Variants in TNIP3 observed in about 807,000 individuals in gnomAD.
The protein encoded by TNIP3 is TNFAIP3-interacting protein 3.
A neutral mutation model predicts 54.1 loss-of-function variants in TNIP3; 34 were observed. The ratio of observed to expected loss-of-function variants is 0.63; its 90% CI spans 0.48 to 0.84. The LOEUF is 0.84. TNIP3 is among the 40% of genes least tolerant of loss of function. The pLI is 0.00. For synonymous variants in TNIP3, 134 were observed against 136.8 expected, an observed-to-expected ratio of 0.98 and a Z score of 0.14; for missense variants, 366 against 387.6, an observed-to-expected ratio of 0.94 and a Z score of 0.47.
chr4:121,196,245 C>T (rs1157322532), intron 2 of TNIP3, among the ~76,000 whole-genome samples: 1 of 152,114 alleles, frequency 6.6e-6, no homozygotes, highest in Non-Finnish European at 1.5e-5. Flanking sequence ...CTTTTTATAG[C>T]TTTTGTGTCT....
chr4:121,219,242 A>G (rs1050892029), upstream of TNIP3, among the ~76,000 whole-genome samples: 1 of 152,140 alleles, frequency 6.6e-6, no homozygotes, highest in African/African-American at 2.4e-5. Context: ...CCATAGAAGT[A>G]AGAGTATCCA....
At chr4:121,175,537 G>C (rs1227160950) in intron 3 of TNIP3, among the ~76,000 whole-genome samples, 2 of 152,196 alleles carry the variant, frequency 1.3e-5, no homozygotes, top group Non-Finnish European at 2.9e-5. Flanking sequence ...CACTAAGGCA[G>C]AGAGAATCCT....
At chr4:121,190,625 G>A (rs765409176) in intron 2 of TNIP3, among the ~76,000 whole-genome samples, 3 of 152,184 alleles carry the variant, frequency 2.0e-5, no homozygotes, top group Non-Finnish European at 4.4e-5. Context: ...ATAAGCCATA[G>A]AATGTCAATG....
rs770320649 is a variant in TNIP3 at position 121,147,103 on chromosome 4, C to T, written c.681G>A (p.Glu227=). Reference sequence around the variant, plus strand: ...GGGAAGTTTCATTAATTTGCTGTAGCTCCTCTTTCTCTTGATTAAGTCTCT... The same window carrying T: ...GGGAAGTTTCATTAATTTGCTGTAGTTCCTCTTTCTCTTGATTAAGTCTCT... The part of the protein sequence containing the change: ...DRERLNQEKE[E]LQQINETSQS... The change falls in exon 7 of 11, where the codon GAG becomes GAA. Residue 227 remains glutamate (E), a synonymous_variant. Transcript: ENST00000057513. 3 of 1,613,014 alleles carry T rather than the reference C, an allele frequency of 1.9e-6. No homozygotes were observed. Among genetic ancestry groups the T allele is most frequent in the South Asian group, 1.1e-5 (1 of 90,946 alleles).
intron 1 of TNIP3, chr4:121,227,366 AAG>A (rs1727301935): frequency 1.3e-6 from 2 of 1,534,698 alleles, no homozygotes; most frequent in African/African-American, 2.7e-5. Context: ...GTAAAGGCAC[AAG>A]ACATTATGTT....
chr4:121,213,194 A>G (rs1033764475), intron 2 of TNIP3, among the ~76,000 whole-genome samples: 1 of 152,204 alleles, frequency 6.6e-6, no homozygotes, highest in Non-Finnish European at 1.5e-5. Flanking sequence ...TCTGAAATCC[A>G]CCATATCATT....
In TNIP3 at chr4:121,157,104, T is replaced by C; in HGVS notation, c.353A>G (p.Gln118Arg). 6.2e-7 allele frequency: 1 copy of C among 1,612,976 alleles called. No individual in the cohort carries two copies. Among genetic ancestry groups the C allele is most frequent in the Non-Finnish European group, 8.5e-7 (1 of 1,179,116 alleles). Residue 118 changes from glutamine to arginine, a missense_variant, in exon 4 of 11, where the codon CAG (glutamine) becomes CGG (arginine). Gln to Arg is a conservative substitution (Grantham distance 43). Transcript: ENST00000057513. ...CCGGGCCCCGCCCACCTCCTCCCGC[T>C]GCAGCCGGTCCCGGGTCAGGTCGCG... ...RQRDLTRDRL[Q>R]REEKEKERLN...
intron 7 of TNIP3, 114 bp downstream of exon 7, chr4:121,146,935 G>T (rs1183422142): frequency 8.2e-7 from 1 of 1,219,404 alleles, no homozygotes; most frequent in Non-Finnish European, 1.1e-6. Flanking sequence ...CCCAGGTGCT[G>T]ACCTTTAAAA....
At chr4:121,215,630 C>T (rs1258273114) in intron 2 of TNIP3, among the ~76,000 whole-genome samples, 29 of 152,038 alleles carry the variant, frequency 1.9e-4, no homozygotes, top group Admixed American at 8.5e-4. Flanking sequence ...TTTCTCTTTA[C>T]CAGAAATTAG....
chr4:121,211,830 T>C (rs1726491836), intron 2 of TNIP3, among the ~76,000 whole-genome samples: 1 of 152,182 alleles, frequency 6.6e-6, no homozygotes, highest in Non-Finnish European at 1.5e-5. Flanking sequence ...AAAGGACAGA[T>C]TTAAAATTCA....
intron 2 of TNIP3, among the ~76,000 whole-genome samples, chr4:121,197,708 T>C (rs1725673852): frequency 1.3e-5 from 2 of 152,088 alleles, no homozygotes; most frequent in South Asian, 4.1e-4. Context: ...AACTGGGAAT[T>C]ACCCAAGAAT....
chr4:121,187,543 A>G (rs150739520), intron 2 of TNIP3, among the ~76,000 whole-genome samples: 1 of 152,356 alleles, frequency 6.6e-6, no homozygotes, highest in East Asian at 1.9e-4. Context: ...TTGTTAATAA[A>G]GAAGGACCAT....
chr4:121,171,906 T>C (rs1254454562), intron 3 of TNIP3, among the ~76,000 whole-genome samples: 1 of 152,114 alleles, frequency 6.6e-6, no homozygotes, highest in African/African-American at 2.4e-5. Flanking sequence ...AATTTTTTTG[T>C]ATTTTTAGTA....
At chr4:121,191,353 A>G (rs144516454) in intron 2 of TNIP3, among the ~76,000 whole-genome samples, 90 of 152,336 alleles carry the variant, frequency 5.9e-4, no homozygotes, top group South Asian at 1.7e-3. Context: ...AAATACACTC[A>G]GGTGGGTTTA....
rs190939061 is a variant in TNIP3 at position 121,151,346 on chromosome 4, A to G, written c.493-1127T>C. Among the ~76,000 whole-genome samples the G allele has an allele frequency of 4.4e-4, 67 of 152,336 alleles. No individual in the cohort carries two copies. In the East Asian group the frequency reaches 8.3e-3, roughly 19 times the overall value. The stretch of plus-strand genomic sequence containing the variant: ...TACTATATAATATGGTCATAAAGGT[A>G]GGAAAAGAAAAGCAAATGTGTGGTT... On this transcript the variant is annotated intron_variant, in intron 5 of 10. Transcript: ENST00000057513.
chr4:121,174,051 A>G (rs1442077751), intron 3 of TNIP3, among the ~76,000 whole-genome samples: 1 of 152,154 alleles, frequency 6.6e-6, no homozygotes, highest in Non-Finnish European at 1.5e-5. Context: ...CTGTTTTCTG[A>G]ATATAAAATC....
chr4:121,134,352 G>A (rs1728655621), intron 10 of TNIP3, among the ~76,000 whole-genome samples: 1 of 152,124 alleles, frequency 6.6e-6, no homozygotes, highest in African/African-American at 2.4e-5. Flanking sequence ...CAAACAACAT[G>A]TTTTTCAAGG....
Position 121,132,631 on chromosome 4 carries a change from C to T in TNIP3, c.978G>A (p.Ter326=). 6.2e-7 allele frequency: 1 copy of T among 1,613,142 alleles called. No homozygotes were observed. Among genetic ancestry groups the T allele is most frequent in the Non-Finnish European group, 8.5e-7 (1 of 1,179,274 alleles). Residue 326 remains the stop codon, a stop_retained_variant, in exon 11 of 11, where the codon TAG becomes TAA. Transcript: ENST00000057513. ...TGTCTCTCTCTGTTAGTGTGTACTT[C>T]TACGGATGGACTTTCTTTACTGAGG... is the stretch of plus-strand genomic sequence containing the variant. ...GLSSVKKVHP[*]
intron 8 of TNIP3, among the ~76,000 whole-genome samples, chr4:121,142,325 A>C (rs1028089074): frequency 6.6e-6 from 1 of 152,226 alleles, no homozygotes; most frequent in Non-Finnish European, 1.5e-5. Flanking sequence ...TCATTATTTA[A>C]GGCTATTAGA....
Sources: allele counts gnomAD v4.1 joint callset (sites outside exome capture counted in the v4.1 genomes callset), GRCh38; gene constraint gnomAD v4.1.1; transcripts MANE v1.5; gene names NCBI Gene and HGNC (gene_info 2026-07-23, HGNC 2026-07-21).